PPP3CA: variants seen among roughly 807,000 people sequenced by gnomAD.
PPP3CA encodes CAM-PRP catalytic subunit.
Under a neutral mutation model 66.5 loss-of-function variants are expected in PPP3CA, and 14 were observed. The ratio of observed to expected loss-of-function variants is 0.21; its 90% confidence interval spans 0.14 to 0.33. The LOEUF is 0.33. Ranked by LOEUF, PPP3CA falls within the 10% of genes least tolerant of loss-of-function variation. PPP3CA has a pLI of 1.00. For missense variants in PPP3CA, 317 were observed against 639.5 expected, an observed-to-expected ratio of 0.50 and a Z score of 5.44; for synonymous variants, 232 against 226.2, an observed-to-expected ratio of 1.03 and a Z score of -0.23.
intron 1 of PPP3CA, among the ~76,000 whole-genome samples, chr4:101,262,314 C>G (rs1459068761): frequency 1.3e-5 from 2 of 152,052 alleles, no homozygotes; most frequent in Non-Finnish European, 2.9e-5. Context: ...TGAAATATTT[C>G]TGGTCTGGTA....
chr4:101,200,446 AC>A (rs1724932222), intron 1 of PPP3CA, among the ~76,000 whole-genome samples: 1 of 152,166 alleles, frequency 6.6e-6, no homozygotes, highest in Non-Finnish European at 1.5e-5. Flanking sequence ...CATTCATGTA[AC>A]CTGGGATGTA....
At chr4:101,142,291 A>G (rs1722835656) in intron 2 of PPP3CA, among the ~76,000 whole-genome samples, 1 of 152,198 alleles carries the variant, frequency 6.6e-6, no homozygotes, top group African/African-American at 2.4e-5. Flanking sequence ...AGGAAATAGG[A>G]TAACTATTTG....
chr4:101,083,051 T>C, intron 7 of PPP3CA, 135 bp downstream of exon 7: 1 of 543,506 alleles, frequency 1.8e-6, no homozygotes, highest in South Asian at 6.0e-5. Context: ...GTGTCATCCA[T>C]CAGAAGATAA....
At chr4:101,089,623 C>T (rs956327950) in intron 6 of PPP3CA, among the ~76,000 whole-genome samples, 1 of 152,136 alleles carries the variant, frequency 6.6e-6, no homozygotes, top group Non-Finnish European at 1.5e-5. Flanking sequence ...GATTGATAAC[C>T]TAAACACCAA....
intron 1 of PPP3CA, among the ~76,000 whole-genome samples, chr4:101,218,496 T>TGC (rs1725521986): frequency 6.6e-6 from 1 of 152,048 alleles, no homozygotes; most frequent in South Asian, 2.1e-4. Context: ...TGCTTAATTT[T>TGC]TGTTGTTGTT....
intron 2 of PPP3CA, among the ~76,000 whole-genome samples, chr4:101,155,758 A>T (rs553693150): frequency 6.2e-4 from 94 of 152,380 alleles, no homozygotes; most frequent in African/African-American, 2.2e-3. Context: ...ACTTAAGGGT[A>T]TATTAGATTA....
At chr4:101,252,416 A>G (rs1726706504) in intron 1 of PPP3CA, among the ~76,000 whole-genome samples, 1 of 152,060 alleles carries the variant, frequency 6.6e-6, no homozygotes, top group South Asian at 2.1e-4. Context: ...TAACATTGTC[A>G]TTGTGTCTTA....
At chr4:101,062,119 C>A (rs1480090270) in intron 9 of PPP3CA, among the ~76,000 whole-genome samples, 1 of 151,914 alleles carries the variant, frequency 6.6e-6, no homozygotes, top group Non-Finnish European at 1.5e-5. Flanking sequence ...TTAATAGAAA[C>A]AACCCAAATA....
At chr4:101,201,390 A>G (rs1724962928) in intron 1 of PPP3CA, among the ~76,000 whole-genome samples, 1 of 152,218 alleles carries the variant, frequency 6.6e-6, no homozygotes, top group Non-Finnish European at 1.5e-5. Flanking sequence ...CCCATGCCCT[A>G]TGTCTAGAGA....
At chr4:101,278,501 G>C (rs1205907553) in intron 1 of PPP3CA, among the ~76,000 whole-genome samples, 2 of 152,144 alleles carry the variant, frequency 1.3e-5, no homozygotes, top group Non-Finnish European at 2.9e-5. Context: ...TGAACTTGGA[G>C]CTCTCAAACT....
intron 2 of PPP3CA, among the ~76,000 whole-genome samples, chr4:101,119,829 C>T (rs528787939): frequency 1.3e-5 from 2 of 152,078 alleles, no homozygotes; most frequent in South Asian, 4.2e-4. Context: ...AGTAAGTGAA[C>T]AAAGCTAGTA....
rs1049527592 is a variant in PPP3CA at position 101,336,597 on chromosome 4, A to G, written c.58+10142T>C. ...AAAAAAAAATGAAAAAAAAAAAAAA[A>G]GAAAGCTGTTTTTAATAGCAAATGA... is the stretch of plus-strand genomic sequence containing the variant. On this transcript the variant is annotated intron_variant, in intron 1 of 13. Transcript: ENST00000394854. 1.9e-3 allele frequency among the ~76,000 whole-genome samples: 291 copies of G among 150,970 alleles called. 3 individuals are homozygous for G. Among genetic ancestry groups the G allele is most frequent in the Non-Finnish European group, 3.4e-3 (234 of 67,968 alleles).
chr4:101,302,079 C>T (rs1728396993), intron 1 of PPP3CA, among the ~76,000 whole-genome samples: 1 of 151,952 alleles, frequency 6.6e-6, no homozygotes. Context: ...ATTATGTATA[C>T]TTTTAAATAT....
intron 1 of PPP3CA, among the ~76,000 whole-genome samples, chr4:101,271,203 A>G (rs1440552447): frequency 6.6e-6 from 1 of 152,182 alleles, no homozygotes; most frequent in East Asian, 1.9e-4. Context: ...TTGATAATTA[A>G]AAAAGCAGCT....
chr4:101,269,575 TGTGTGTGTGTGTGTGTGTGTG>T (rs1727271750), intron 1 of PPP3CA, among the ~76,000 whole-genome samples: 1 of 109,046 alleles, frequency 9.2e-6, no homozygotes, highest in African/African-American at 2.9e-5. Flanking sequence ...TGTGTGTGTG[TGTGTGTGTGTGTGTGTGTGTG>T]TGTGTTTTAA....
At chr4:101,309,909 C>T (rs750508869) in intron 1 of PPP3CA, among the ~76,000 whole-genome samples, 9 of 152,148 alleles carry the variant, frequency 5.9e-5, no homozygotes, top group African/African-American at 1.4e-4. Context: ...TATTTATCAA[C>T]GACACGTTAT....
chr4:101,143,798 C>T (rs1184952110), intron 2 of PPP3CA, among the ~76,000 whole-genome samples: 1 of 152,194 alleles, frequency 6.6e-6, no homozygotes, highest in Non-Finnish European at 1.5e-5. Flanking sequence ...CCCAAATGAA[C>T]TCCAGAGAAA....
chr4:101,250,242 G>A (rs988840517), intron 1 of PPP3CA: 6 of 415,860 alleles, frequency 1.4e-5, no homozygotes, highest in Middle Eastern at 3.4e-4. Flanking sequence ...AGGTCACGCA[G>A]TGTGGTGTTA....
At chr4:101,203,567 C>T (rs572578228) in intron 1 of PPP3CA, among the ~76,000 whole-genome samples, 1 of 152,222 alleles carries the variant, frequency 6.6e-6, no homozygotes, top group Admixed American at 6.5e-5. Context: ...AAAATAAGTA[C>T]CTGAGCAGGA....
Sources: allele counts gnomAD v4.1 joint callset (sites outside exome capture counted in the v4.1 genomes callset), GRCh38; gene constraint gnomAD v4.1.1; transcripts MANE v1.5; gene names NCBI Gene and HGNC (gene_info 2026-07-23, HGNC 2026-07-21).